The following PLXDC2 variants were observed in gnomAD, a reference collection of about 807,000 sequenced individuals.
PLXDC2 encodes the protein plexin domain-containing protein 2.
PLXDC2 carries 40 observed loss-of-function variants against 68.9 expected under a neutral mutation model. The observed-to-expected ratio is 0.58, with a 90% CI of 0.45 to 0.76. PLXDC2 has a LOEUF of 0.76. PLXDC2 is among the 30% of genes least tolerant of loss of function. The pLI, the probability that PLXDC2 is intolerant of heterozygous loss-of-function variation, is 0.00. For missense variants in PLXDC2, 644 were observed against 661.9 expected (o/e 0.97, Z 0.30); for synonymous variants, 243 against 234.2 (o/e 1.04, Z -0.34).
At chr10:20,141,655 A>G (rs1389125251) in intron 4 of PLXDC2, among the ~76,000 whole-genome samples, 1 of 152,058 alleles carries the variant, frequency 6.6e-6, no homozygotes, top group Non-Finnish European at 1.5e-5. Flanking sequence ...AGGAGAAAAA[A>G]TAGAGACCCT....
At chr10:20,246,355 T>G in intron 13 of PLXDC2, among the ~76,000 whole-genome samples, 1 of 152,300 alleles carries the variant, frequency 6.6e-6, no homozygotes, top group South Asian at 2.1e-4. Context: ...CAGGTTTTTT[T>G]TGTTTGTTTG....
Position 20,192,974 on chromosome 10 carries a change from C to G in PLXDC2, c.1061+15565C>G, listed in dbSNP as rs550217359. On this transcript the variant is annotated intron_variant, in intron 9 of 13. Transcript: ENST00000377252. Reference sequence around the variant, plus strand: ...ACACCACATGTCTTAGGTTTGTTGTCCCAATGTCCCATTTAGTCAGTGAGT... The same window carrying G: ...ACACCACATGTCTTAGGTTTGTTGTGCCAATGTCCCATTTAGTCAGTGAGT... Among the ~76,000 whole-genome samples, 68 of 152,086 alleles carry G rather than the reference C, an allele frequency of 4.5e-4. No homozygotes were observed. In the South Asian group the frequency reaches 6.8e-3, roughly 15 times the overall value.
chr10:19,896,516 T>C (rs1468195631), intron 1 of PLXDC2, among the ~76,000 whole-genome samples: 2 of 152,238 alleles, frequency 1.3e-5, no homozygotes, highest in Non-Finnish European at 2.9e-5. Flanking sequence ...TAAATGCTTG[T>C]TATTAATAAG....
At chr10:19,944,586 T>C (rs1218354447) in intron 1 of PLXDC2, among the ~76,000 whole-genome samples, 1 of 152,230 alleles carries the variant, frequency 6.6e-6, no homozygotes, top group Non-Finnish European at 1.5e-5. Flanking sequence ...AGGGCTACCA[T>C]GTGACTGAAG....
At chr10:19,915,898 C>T (rs1833357742) in intron 1 of PLXDC2, among the ~76,000 whole-genome samples, 1 of 151,966 alleles carries the variant, frequency 6.6e-6, no homozygotes, top group African/African-American at 2.4e-5. Context: ...AAAACAGCTG[C>T]TGTAGCCTCT....
chr10:20,262,616 G>C (rs1307857223), intron 13 of PLXDC2, among the ~76,000 whole-genome samples: 1 of 152,204 alleles, frequency 6.6e-6, no homozygotes, highest in African/African-American at 2.4e-5. Flanking sequence ...CAAAACGAAG[G>C]CCAGACTGCT....
At chr10:19,876,053 G>A (rs935212061) in intron 1 of PLXDC2, among the ~76,000 whole-genome samples, 1 of 152,096 alleles carries the variant, frequency 6.6e-6, no homozygotes, top group Admixed American at 6.6e-5. Flanking sequence ...ACAATCAGTG[G>A]TGGGGATTAT....
At chr10:19,865,412 G>A (rs1837395040) in intron 1 of PLXDC2, among the ~76,000 whole-genome samples, 1 of 152,170 alleles carries the variant, frequency 6.6e-6, no homozygotes, top group South Asian at 2.1e-4. Context: ...GTTGGGCTGT[G>A]CTTCATTTTG....
intron 1 of PLXDC2, among the ~76,000 whole-genome samples, chr10:19,888,132 C>T (rs776566786): frequency 2.6e-5 from 4 of 152,180 alleles, no homozygotes; most frequent in Admixed American, 6.5e-5. Context: ...AAGAGCTTTC[C>T]TTTCCTACCT....
intron 1 of PLXDC2, among the ~76,000 whole-genome samples, chr10:19,872,878 G>T (rs1157250316): frequency 2.0e-5 from 3 of 152,098 alleles, no homozygotes; most frequent in African/African-American, 7.2e-5. Context: ...AATTTTCTCT[G>T]GGTCTCCTTG....
intron 1 of PLXDC2, among the ~76,000 whole-genome samples, chr10:19,928,187 T>C (rs769017094): frequency 6.6e-6 from 1 of 152,230 alleles, no homozygotes; most frequent in Non-Finnish European, 1.5e-5. Flanking sequence ...CTTTGTCCAC[T>C]CATTGGTTGA....
At chr10:20,038,255 T>A (rs566322007) in intron 2 of PLXDC2, among the ~76,000 whole-genome samples, 48 of 150,550 alleles carry the variant, frequency 3.2e-4, no homozygotes, top group South Asian at 1.3e-3. Flanking sequence ...AAAAAAAAAA[T>A]TTAAAAAAAA....
chr10:19,832,035 C>G (rs1836703041), intron 1 of PLXDC2, among the ~76,000 whole-genome samples: 1 of 152,148 alleles, frequency 6.6e-6, no homozygotes, highest in South Asian at 2.1e-4. Flanking sequence ...AAATAAGAGG[C>G]AAAAACCCAT....
chr10:20,245,636 C>T lies in PLXDC2; in HGVS notation c.1473+131C>T, dbSNP rs1023748280. The T allele has an allele frequency of 1.4e-5, 15 of 1,041,698 alleles. No individual in the cohort carries two copies. In the Admixed American group the frequency reaches 3.5e-4, roughly 24 times the overall value. 64.5% of individuals were successfully genotyped at this position (1,041,698 alleles called of 1,614,324 possible). A position where few individuals can be genotyped will look rare whatever the true frequency, so the allele number is the denominator to read the frequency against. On this transcript the variant is annotated intron_variant, in intron 13 of 13. Coordinates refer to ENST00000377252, the MANE Select transcript of PLXDC2 (RefSeq NM_032812.9). ...AGTTCAAGCTTTCTGATTTCACACA[C>T]ATGGATGTTGTCCCCCATGCACTCA...
intron 12 of PLXDC2, among the ~76,000 whole-genome samples, chr10:20,244,569 A>G (rs897306100): frequency 6.6e-6 from 1 of 152,202 alleles, no homozygotes; most frequent in African/African-American, 2.4e-5. Flanking sequence ...TTCACAAATT[A>G]TGCTTGGAGT....
At chr10:19,948,117 A>T (rs953203435) in intron 1 of PLXDC2, among the ~76,000 whole-genome samples, 2 of 152,180 alleles carry the variant, frequency 1.3e-5, no homozygotes, top group Non-Finnish European at 1.5e-5. Context: ...TAAATTCACA[A>T]CTGTCATTTC....
chr10:19,943,427 A>G (rs914510795), intron 1 of PLXDC2, among the ~76,000 whole-genome samples: 1 of 152,224 alleles, frequency 6.6e-6, no homozygotes, highest in African/African-American at 2.4e-5. Flanking sequence ...TATTTCTCCC[A>G]GAAACAAGAC....
chr10:20,121,706 G>C (rs1833699810), intron 4 of PLXDC2, among the ~76,000 whole-genome samples: 1 of 152,112 alleles, frequency 6.6e-6, no homozygotes, highest in Non-Finnish European at 1.5e-5. Flanking sequence ...AGAGTGTATG[G>C]GTTTGGCACC....
intron 2 of PLXDC2, among the ~76,000 whole-genome samples, chr10:20,008,100 CATCTTATTT>C (rs1466674857): frequency 1.3e-5 from 2 of 152,190 alleles, no homozygotes; most frequent in Non-Finnish European, 2.9e-5. Flanking sequence ...GTTGTGTTGG[CATCTTATTT>C]TTACAAATTG....
Sources: allele counts gnomAD v4.1 joint callset (sites outside exome capture counted in the v4.1 genomes callset), GRCh38; gene constraint gnomAD v4.1.1; transcripts MANE v1.5; gene names NCBI Gene and HGNC (gene_info 2026-07-23, HGNC 2026-07-21).